ROBO1: variants seen among roughly 807,000 people sequenced by gnomAD.
ROBO1 encodes roundabout guidance receptor 1, also known as roundabout homolog 1.
ROBO1 carries 149 observed loss-of-function variants against 195.9 expected under a neutral mutation model. That is an observed-to-expected ratio of 0.76 (90% CI 0.67 to 0.87). The LOEUF (loss-of-function observed/expected upper bound fraction) is 0.87, where lower values mean the gene tolerates loss of function less well. ROBO1 is among the 40% of genes least tolerant of loss of function. The pLI is 0.00. For synonymous variants in ROBO1, 816 were observed against 733.2 expected (o/e 1.11, Z -1.82); for missense variants, 1,933 against 2,068.3 (o/e 0.93, Z 1.27).
At position 79,496,761 on chromosome 3, in the gene ROBO1, A is replaced by G. The variant is rs142307067; in HGVS notation, c.88+93063T>C. On this transcript the variant is annotated intron_variant, in intron 2 of 30. Coordinates refer to ENST00000464233, the MANE Select transcript of ROBO1 (RefSeq NM_002941.4). ...TTAACTCAGTAAAAATTATGGAGAA[A>G]ATGTTACTATTTCATTGCAATAGGT... is the stretch of plus-strand genomic sequence containing the variant. Among the ~76,000 whole-genome samples, 117 of 152,256 alleles carry G rather than the reference A, an allele frequency of 7.7e-4. 1 individual carries two copies. In the East Asian group the frequency reaches 0.019, roughly 24 times the overall value.
At chr3:79,445,481 GTT>G (rs34514488) in intron 2 of ROBO1, among the ~76,000 whole-genome samples, 23,456 of 85,840 alleles carry the variant, frequency 0.27, 2,528 homozygotes, top group Non-Finnish European at 0.33. Context: ...TACAGAAATT[GTT>G]TTTTTTTTTT....
intron 2 of ROBO1, among the ~76,000 whole-genome samples, chr3:79,127,594 T>A (rs1163334981): frequency 6.6e-6 from 1 of 152,176 alleles, no homozygotes; most frequent in Non-Finnish European, 1.5e-5. Context: ...AAATCCACAA[T>A]ATAAATTAAA....
chr3:79,577,847 G>A (rs548798287), intron 2 of ROBO1, among the ~76,000 whole-genome samples: 1 of 152,010 alleles, frequency 6.6e-6, no homozygotes, highest in Non-Finnish European at 1.5e-5. Flanking sequence ...GGGAGGCAGA[G>A]GTTGCAGTGA....
At chr3:79,494,799 T>G (rs1939643318) in intron 2 of ROBO1, among the ~76,000 whole-genome samples, 1 of 152,106 alleles carries the variant, frequency 6.6e-6, no homozygotes, top group African/African-American at 2.4e-5. Flanking sequence ...AATCCACAAG[T>G]TGAAAAGAAA....
chr3:79,574,232 A>G (rs1943373442), intron 2 of ROBO1, among the ~76,000 whole-genome samples: 1 of 152,092 alleles, frequency 6.6e-6, no homozygotes, highest in South Asian at 2.1e-4. Context: ...TCATTTTAAT[A>G]CAGCACTTTC....
intron 1 of ROBO1, among the ~76,000 whole-genome samples, chr3:79,730,934 C>T (rs1169532052): frequency 4.6e-5 from 7 of 151,808 alleles, no homozygotes; most frequent in Non-Finnish European, 7.4e-5. Flanking sequence ...CCCGCCACCA[C>T]GCCCAGCTAA....
At chr3:79,123,121 T>C (rs1359903263) in intron 3 of ROBO1, among the ~76,000 whole-genome samples, 2 of 152,002 alleles carry the variant, frequency 1.3e-5, no homozygotes, top group Non-Finnish European at 2.9e-5. Context: ...ATGTATATTT[T>C]ATTTCTTAAA....
intron 2 of ROBO1, among the ~76,000 whole-genome samples, chr3:79,362,018 C>A (rs1171408864): frequency 6.6e-6 from 1 of 151,902 alleles, no homozygotes; most frequent in Non-Finnish European, 1.5e-5. Context: ...CAGTAGAGTG[C>A]CGGACATGAA....
At chr3:78,760,416 C>T (rs2083067444) in intron 4 of ROBO1, among the ~76,000 whole-genome samples, 1 of 152,102 alleles carries the variant, frequency 6.6e-6, no homozygotes, top group African/African-American at 2.4e-5. Context: ...CCTGTAATCC[C>T]TGCATTTGGG....
rs146032041 is a variant in ROBO1 at position 79,037,400 on chromosome 3, G to A, written c.172+88056C>T. Among the ~76,000 whole-genome samples the A allele has an allele frequency of 3.9e-3, 594 of 152,032 alleles. 4 individuals carry two copies. The highest frequency in any genetic ancestry group is 0.014 in the African/African-American group (579 of 41,494). On this transcript the variant is annotated intron_variant, in intron 3 of 30. Coordinates refer to ENST00000464233, the MANE Select transcript of ROBO1 (RefSeq NM_002941.4). Reference sequence around the variant, plus strand: ...TCCTTATAAATGCAACTGACATCTAGTGAAACACCATCAATTAGTGGTAAC... The same window carrying A: ...TCCTTATAAATGCAACTGACATCTAATGAAACACCATCAATTAGTGGTAAC...
intron 5 of ROBO1, among the ~76,000 whole-genome samples, chr3:78,745,409 T>C (rs1004568190): frequency 6.6e-6 from 1 of 151,986 alleles, no homozygotes; most frequent in Non-Finnish European, 1.5e-5. Flanking sequence ...ATGGTTTTAA[T>C]GTGTTTGAAT....
chr3:79,129,325 T>A (rs1297680781), intron 2 of ROBO1, among the ~76,000 whole-genome samples: 4 of 152,258 alleles, frequency 2.6e-5, no homozygotes, highest in African/African-American at 9.6e-5. Flanking sequence ...CGATATGGCT[T>A]TATATATTTT....
Position 79,486,847 on chromosome 3 carries a change from A to T in ROBO1, c.88+102977T>A, listed in dbSNP as rs182906773. Among the ~76,000 whole-genome samples the T allele has an allele frequency of 1.1e-4, 17 of 152,298 alleles. No homozygotes were observed. In the East Asian group the frequency reaches 2.5e-3, roughly 23 times the overall value. On this transcript the variant is annotated intron_variant, in intron 2 of 30. Coordinates refer to ENST00000464233, the MANE Select transcript of ROBO1 (RefSeq NM_002941.4). The stretch of plus-strand genomic sequence containing the variant: ...TCCCTATCTGCCCAAAAGTAAGACA[A>T]AATTTACAGAGCTATCCCTCCTCCC...
At chr3:79,622,315 C>T (rs1945032472) in intron 1 of ROBO1, among the ~76,000 whole-genome samples, 1 of 152,232 alleles carries the variant, frequency 6.6e-6, no homozygotes, top group African/African-American at 2.4e-5. Context: ...CTCCTGAACT[C>T]TTGAGGGAAG....
rs377052514 is a variant in ROBO1 at position 79,056,077 on chromosome 3, C to T, written c.172+69379G>A. Among the ~76,000 whole-genome samples, 12 of 152,244 alleles carry T rather than the reference C, an allele frequency of 7.9e-5. No homozygotes were observed. In the East Asian group the frequency reaches 2.3e-3, roughly 30 times the overall value. On this transcript the variant is annotated intron_variant, in intron 3 of 30. Transcript: ENST00000464233. ...GCCATCCAACCCAGCATGCCTGCCC[C>T]TGCTTTAATACCTAAAAATTGGCCT...
At chr3:78,858,465 A>G (rs978431689) in intron 4 of ROBO1, among the ~76,000 whole-genome samples, 5 of 151,180 alleles carry the variant, frequency 3.3e-5, no homozygotes, top group Admixed American at 2.7e-4. Context: ...GCAGTGGCTC[A>G]CACTTGTAAT....
intron 2 of ROBO1, among the ~76,000 whole-genome samples, chr3:79,321,276 T>C (rs1203014102): frequency 4.6e-5 from 7 of 152,208 alleles, no homozygotes; most frequent in African/African-American, 9.6e-5. Flanking sequence ...GAAATTTTTA[T>C]TCACACATTT....
At chr3:79,354,926 G>A (rs2035483637) in intron 2 of ROBO1, among the ~76,000 whole-genome samples, 1 of 152,154 alleles carries the variant, frequency 6.6e-6, no homozygotes, top group South Asian at 2.1e-4. Context: ...CCAACACTTT[G>A]GGAGGCCAAG....
At chr3:79,368,446 A>G (rs76043682) in intron 2 of ROBO1, among the ~76,000 whole-genome samples, 1,529 of 152,206 alleles carry the variant, frequency 0.01, 32 homozygotes, top group African/African-American at 0.035. Flanking sequence ...TGCAACCCAC[A>G]GAAACAGCAA....
Sources: allele counts gnomAD v4.1 joint callset (sites outside exome capture counted in the v4.1 genomes callset), GRCh38; gene constraint gnomAD v4.1.1; transcripts MANE v1.5; gene names NCBI Gene and HGNC (gene_info 2026-07-23, HGNC 2026-07-21).